The following CMBL variants were observed in gnomAD, a reference collection of about 807,000 sequenced individuals.
The protein encoded by CMBL is carboxymethylenebutenolidase homolog.
Under a neutral mutation model 28.7 loss-of-function variants are expected in CMBL, and 17 were observed. The ratio of observed to expected loss-of-function variants is 0.59; its 90% CI spans 0.41 to 0.89. The LOEUF (loss-of-function observed/expected upper bound fraction) is 0.89. Among genes scored for constraint, CMBL ranks in the 40% least tolerant of loss-of-function variants. The probability of loss-of-function intolerance (pLI) is 0.00; values close to 1 mark genes in which losing one functional copy is unlikely to be tolerated. For missense variants in CMBL, 310 were observed against 298.5 expected, an observed-to-expected ratio of 1.04 and a Z score of -0.28; for synonymous variants, 106 against 101.6, an observed-to-expected ratio of 1.04 and a Z score of -0.26.
In CMBL at chr5:10,289,588, G is replaced by A. The variant is rs904558601; in HGVS notation, c.215+960C>T. 1.3e-5 allele frequency among the ~76,000 whole-genome samples: 2 copies of A among 152,196 alleles called. No individual in the cohort carries two copies. The highest frequency in any genetic ancestry group is 4.8e-5 in the African/African-American group (2 of 41,442). On this transcript the variant is annotated intron_variant, in intron 2 of 5. Transcript: ENST00000296658. The surrounding 1 kb of genome is among the most constrained non-coding windows in gnomAD (Gnocchi z 4.3). Reference sequence around the variant, plus strand: ...TCCTCCCTCAAGGGGCTGCCAGGAGGACTAAGGGCAATGAGCCCAGTCATG... The same window carrying A: ...TCCTCCCTCAAGGGGCTGCCAGGAGAACTAAGGGCAATGAGCCCAGTCATG...
chr5:10,281,451 C>T (rs2126537928), intron 5 of CMBL, among the ~76,000 whole-genome samples: 1 of 152,310 alleles, frequency 6.6e-6, no homozygotes, highest in South Asian at 2.1e-4. Flanking sequence ...CTCTCAGCCT[C>T]AATCAATCCT....
At chr5:10,280,920 C>T (rs1324081777) in intron 5 of CMBL, among the ~76,000 whole-genome samples, 1 of 152,180 alleles carries the variant, frequency 6.6e-6, no homozygotes, top group Admixed American at 6.5e-5. Flanking sequence ...ATGACAGGCA[C>T]CCGCCACCAT....
Position 10,301,508 on chromosome 5 carries a change from TG to T in CMBL, c.-20+6116del, listed in dbSNP as rs755311124. Among the ~76,000 whole-genome samples the T allele has an allele frequency of 5.4e-5, 8 of 148,104 alleles. No homozygotes were observed. The South Asian group carries it at 1.7e-3, about 32-fold the overall frequency. On this transcript the variant is annotated intron_variant, in intron 1 of 5. Coordinates refer to ENST00000296658, the MANE Select transcript of CMBL (RefSeq NM_138809.4). ...ACCAAAGGTAAGGGGTGGGGGCGCG[TG>T]GGGCAGTGAGGGCTCAGTTCCAAGA... is the stretch of plus-strand genomic sequence containing the variant.
intron 5 of CMBL, among the ~76,000 whole-genome samples, chr5:10,280,892 G>C (rs532260649): frequency 1.3e-5 from 2 of 152,188 alleles, no homozygotes; most frequent in African/African-American, 4.8e-5. Flanking sequence ...TCCTGCCTCA[G>C]CCTCCGGAGA....
chr5:10,294,203 G>A (rs1746772240), intron 1 of CMBL, among the ~76,000 whole-genome samples: 1 of 152,228 alleles, frequency 6.6e-6, no homozygotes, highest in Non-Finnish European at 1.5e-5. Flanking sequence ...TTTACTGGAA[G>A]AATTTAGTTT....
intron 1 of CMBL, among the ~76,000 whole-genome samples, chr5:10,302,639 C>T (rs1289880682): frequency 1.3e-5 from 2 of 151,760 alleles, no homozygotes; most frequent in Admixed American, 6.6e-5. Flanking sequence ...TCCAACATAC[C>T]TCATTATTCC....
At position 10,294,520 on chromosome 5, in the gene CMBL, T is replaced by C. The variant is rs532349197; in HGVS notation, c.-19-3739A>G. 1.7e-4 allele frequency among the ~76,000 whole-genome samples: 26 copies of C among 151,226 alleles called. 1 individual carries two copies. The South Asian group carries it at 4.6e-3, about 27-fold the overall frequency. On this transcript the variant is annotated intron_variant, in intron 1 of 5. Coordinates refer to ENST00000296658, the MANE Select transcript of CMBL (RefSeq NM_138809.4). ...TCGAGGCTGCAGTGAGTCATGACTA[T>C]GCCATGGCACTCCAGCCTGGATGAC...
chr5:10,286,158 C>A, intron 4 of CMBL, 196 bp downstream of exon 4: 1 of 531,464 alleles, frequency 1.9e-6, no homozygotes, highest in Non-Finnish European at 3.2e-6. Context: ...GACCTCTTGA[C>A]TCCCGGTGAC....
chr5:10,292,826 CAAAAAAAA>C (rs34798121), intron 1 of CMBL, among the ~76,000 whole-genome samples: 1 of 107,272 alleles, frequency 9.3e-6, no homozygotes, highest in East Asian at 4.1e-4. Flanking sequence ...CTCTGTCTCA[CAAAAAAAA>C]AAAAAAAAAA....
At chr5:10,291,541 G>A (rs913061207) in intron 1 of CMBL, among the ~76,000 whole-genome samples, 1 of 151,674 alleles carries the variant, frequency 6.6e-6, no homozygotes. Context: ...GGCGCCTGTA[G>A]TCCCAGCTAC....
At chr5:10,285,025 A>G (rs1358618682) in intron 4 of CMBL, among the ~76,000 whole-genome samples, 1 of 151,444 alleles carries the variant, frequency 6.6e-6, no homozygotes, top group Non-Finnish European at 1.5e-5. Context: ...TTTAAGAGAC[A>G]AGGTCTCACT....
chr5:10,306,188 C>T (rs573068411), intron 1 of CMBL, among the ~76,000 whole-genome samples: 41 of 152,124 alleles, frequency 2.7e-4, no homozygotes, highest in Non-Finnish European at 3.1e-4. Flanking sequence ...CCTGATTTCA[C>T]GCCCTAAGGA....
chr5:10,307,030 C>A (rs550168113), intron 1 of CMBL, among the ~76,000 whole-genome samples: 1 of 152,268 alleles, frequency 6.6e-6, no homozygotes, highest in Non-Finnish European at 1.5e-5. Context: ...CAAGGCCTGC[C>A]CGACCCACAT....
chr5:10,283,690 A>G (rs965430340), intron 4 of CMBL, among the ~76,000 whole-genome samples: 4 of 152,136 alleles, frequency 2.6e-5, no homozygotes, highest in Non-Finnish European at 5.9e-5. Context: ...GCTTGGACCC[A>G]GGAGGTGGAG....
intron 1 of CMBL, chr5:10,307,284 A>G (rs1193441486): frequency 6.6e-6 from 1 of 152,252 alleles, no homozygotes; most frequent in Non-Finnish European, 1.5e-5. Context: ...ATTTAACGGC[A>G]TGGTGGAAAG....
rs541783286 is a variant in CMBL at position 10,300,574 on chromosome 5, G to T, written c.-20+7051C>A. The stretch of plus-strand genomic sequence containing the variant: ...CAGCACTTTGAGAGGTCGAGGCATG[G>T]TCATAGCTTGAGGCCAGGAGTATGA... On this transcript the variant is annotated intron_variant, in intron 1 of 5. Transcript: ENST00000296658. 1.9e-4 allele frequency among the ~76,000 whole-genome samples: 29 copies of T among 152,218 alleles called. No individual in the cohort carries two copies. In the South Asian group the frequency reaches 6.0e-3, roughly 32 times the overall value.
chr5:10,296,650 C>G (rs1357827156), intron 1 of CMBL, among the ~76,000 whole-genome samples: 2 of 152,070 alleles, frequency 1.3e-5, no homozygotes, highest in Admixed American at 1.3e-4. Context: ...ACTAACACTT[C>G]AGGGAGATGG....
At chr5:10,281,989 G>A (rs1179750607) in intron 5 of CMBL, among the ~76,000 whole-genome samples, 1 of 151,936 alleles carries the variant, frequency 6.6e-6, no homozygotes, top group Non-Finnish European at 1.5e-5. Context: ...GTGAAACCCC[G>A]TCTCTACTAA....
At chr5:10,302,889 G>T (rs1193581386) in intron 1 of CMBL, among the ~76,000 whole-genome samples, 2 of 152,176 alleles carry the variant, frequency 1.3e-5, no homozygotes, top group Non-Finnish European at 2.9e-5. Flanking sequence ...CTTACATTCT[G>T]TAGAGAATCC....
Sources: gnomAD v4.1 joint callset for allele counts (sites outside exome capture counted in the v4.1 genomes callset) on GRCh38, gnomAD v4.1.1 for gene constraint, Gnocchi (gnomAD v3.1) non-coding constraint, MANE v1.5 for transcripts, NCBI Gene and HGNC (gene_info 2026-07-23, HGNC 2026-07-21) for gene names.